Variants in ALG6 observed in about 807,000 individuals in gnomAD.
ALG6 encodes dolichyl pyrophosphate Man9GlcNAc2 alpha-1,3-glucosyltransferase.
In ALG6, 46 loss-of-function variants were observed where a neutral mutation model predicts 66.6. The observed-to-expected ratio is 0.69, with a 90% CI of 0.55 to 0.88. The LOEUF (loss-of-function observed/expected upper bound fraction) is 0.88, where lower values mean the gene tolerates loss of function less well. Ranked by LOEUF, ALG6 falls within the 40% of genes least tolerant of loss-of-function variation. The probability of loss-of-function intolerance (pLI) is 0.00; values close to 1 mark genes in which losing one functional copy is unlikely to be tolerated. For synonymous variants in ALG6, 185 were observed against 203.7 expected (o/e 0.91, Z 0.78); for missense variants, 505 against 586.8 (o/e 0.86, Z 1.44).
At chr1:63,424,128 C>G (rs571177099) in intron 12 of ALG6, among the ~76,000 whole-genome samples, 1 of 152,168 alleles carries the variant, frequency 6.6e-6, no homozygotes, top group South Asian at 2.1e-4. Context: ...CAGAGACAAG[C>G]CTATTTAAAT....
In ALG6 at chr1:63,369,659, A is replaced by G. The variant is rs185735743; in HGVS notation, c.-207-1112A>G. Among the ~76,000 whole-genome samples, 319 of 152,168 alleles carry G rather than the reference A, an allele frequency of 2.1e-3. 1 individual carries two copies. The highest frequency in any genetic ancestry group is 3.2e-3 in the Admixed American group (49 of 15,284). On this transcript the variant is annotated intron_variant, in intron 1 of 14. Transcript: ENST00000263440. ...AAAAAGAAAAAAAAACAAATAAAATAAAATAATTTTAGATCATTAGGTGGA... is the reference window on the plus strand; with the variant it reads ...AAAAAGAAAAAAAAACAAATAAAATGAAATAATTTTAGATCATTAGGTGGA...
At chr1:63,427,226 GA>G (rs1359836502) in intron 12 of ALG6, among the ~76,000 whole-genome samples, 1 of 150,258 alleles carries the variant, frequency 6.7e-6, no homozygotes, top group Non-Finnish European at 1.5e-5. Context: ...TGTTGGCCAG[GA>G]TGGTCTTGAA....
intron 2 of ALG6, among the ~76,000 whole-genome samples, chr1:63,393,927 TAGAG>T (rs146285307): frequency 0.01 from 1,538 of 152,278 alleles, 27 homozygotes; most frequent in African/African-American, 0.034. Context: ...TTCTGAGAGA[TAGAG>T]AGACAGAGAC....
intron 7 of ALG6, among the ~76,000 whole-genome samples, chr1:63,410,182 T>G (rs764356608): frequency 3.9e-5 from 6 of 152,206 alleles, no homozygotes; most frequent in Non-Finnish European, 7.3e-5. Flanking sequence ...TTATCACTTC[T>G]GTCTTCCAGA....
Position 63,370,674 on chromosome 1 carries a change from T to C in ALG6, c.-207-97T>C, listed in dbSNP as rs114299980. The C allele has an allele frequency of 4.8e-3, 1,667 of 348,170 alleles. 32 individuals carry two copies. Among genetic ancestry groups the C allele is most frequent in the African/African-American group, 0.032 (1,497 of 46,878 alleles). 21.6% of individuals were successfully genotyped at this position (348,170 alleles called of 1,614,324 possible). ...CCTTCACATTCCTTCCCACTACCCC[T>C]CCCCTCGAATTCTCTATCCTTCTAC... On this transcript the variant is annotated intron_variant, in intron 1 of 14. Transcript: ENST00000263440.
chr1:63,404,448 T>C lies in ALG6; in HGVS notation c.258-5T>C. On this transcript the variant is annotated splice_polypyrimidine_tract_variant and splice_region_variant and intron_variant, in intron 4 of 14. Transcript: ENST00000263440. ...AAGTATCTGTATATATGCTTTGATT[T>C]GCAGGGCAAAGTTTATAAATCCAGA... 6.2e-7 allele frequency: 1 copy of C among 1,612,560 alleles called. No individual in the cohort carries two copies. Among genetic ancestry groups the C allele is most frequent in the South Asian group, 1.1e-5 (1 of 91,062 alleles).
intron 14 of ALG6, among the ~76,000 whole-genome samples, chr1:63,434,513 C>G (rs1455870138): frequency 6.6e-6 from 1 of 152,188 alleles, no homozygotes; most frequent in Non-Finnish European, 1.5e-5. Context: ...ATATATGAGT[C>G]CAGAGTTTAG....
rs181521809 is a variant in ALG6, at chr1:63,377,816, C to G, written c.82+6757C>G. On this transcript the variant is annotated intron_variant, in intron 2 of 14. Transcript: ENST00000263440. ...TGGCATGACCATAGTTCATTGCAGC[C>G]TTGACTTCCTGGGCTCAGAGGATCC... 3.9e-3 allele frequency among the ~76,000 whole-genome samples: 593 copies of G among 152,316 alleles called. 13 individuals are homozygous for G. Among genetic ancestry groups the G allele is most frequent in the Admixed American group, 0.036 (545 of 15,290 alleles).
chr1:63,370,932 T>C lies in ALG6; in HGVS notation c.-46T>C. Reference sequence around the variant, plus strand: ...GATTGACCACGTTTTAAAAGTACTCTGGCACTGGTGCTGTGTTTTCTTCCC... The same window carrying C: ...GATTGACCACGTTTTAAAAGTACTCCGGCACTGGTGCTGTGTTTTCTTCCC... On this transcript the variant is annotated 5_prime_UTR_variant, in exon 2 of 15. Transcript: ENST00000263440. 8.8e-7 allele frequency: 1 copy of C among 1,135,980 alleles called. No individual in the cohort carries two copies. The highest frequency in any genetic ancestry group is 1.2e-5 in the South Asian group (1 of 81,534). The allele number at this position is 1,135,980 out of a possible 1,614,324, so 70.4% of individuals were successfully genotyped here.
At chr1:63,384,804 T>G (rs756012321) in intron 2 of ALG6, among the ~76,000 whole-genome samples, 5 of 152,214 alleles carry the variant, frequency 3.3e-5, no homozygotes, top group Non-Finnish European at 5.9e-5. Context: ...TGTATTTGTT[T>G]CTGGGTTCTC....
chr1:63,407,850 GAT>G (rs961504839), intron 7 of ALG6, among the ~76,000 whole-genome samples: 8 of 151,990 alleles, frequency 5.3e-5, no homozygotes, highest in African/African-American at 1.9e-4. Context: ...ACAAATAAAA[GAT>G]ATTCAAGTCT....
At chr1:63,383,571 G>T (rs1483004551) in intron 2 of ALG6, among the ~76,000 whole-genome samples, 1 of 151,994 alleles carries the variant, frequency 6.6e-6, no homozygotes, top group Non-Finnish European at 1.5e-5. Flanking sequence ...ACATACCACT[G>T]CACCTGGCTA....
intron 2 of ALG6, among the ~76,000 whole-genome samples, chr1:63,377,343 T>C (rs941173726): frequency 6.6e-6 from 1 of 152,248 alleles, no homozygotes; most frequent in Non-Finnish European, 1.5e-5. Flanking sequence ...AAAATTAATA[T>C]AGCCATAATA....
chr1:63,402,460 A>ATTTTT (rs760751565), intron 4 of ALG6, 117 bp downstream of exon 4: 303 of 262,680 alleles, frequency 1.2e-3, no homozygotes, highest in African/African-American at 1.5e-3. Context: ...CTGCTATTGT[A>ATTTTT]TTTTTTTTTT....
chr1:63,394,048 A>T (rs1648747587), intron 2 of ALG6, among the ~76,000 whole-genome samples: 1 of 152,238 alleles, frequency 6.6e-6, no homozygotes, highest in Non-Finnish European at 1.5e-5. Context: ...TCATAGTGGG[A>T]ATATCTTCTT....
chr1:63,407,074 T>G lies in ALG6; in HGVS notation c.442T>G (p.Leu148Val). The change falls in exon 7 of 15, where the codon TTA becomes GTA. Residue 148 changes from leucine (L) to valine (V), a missense_variant. Physicochemically the swap from Leu to Val is conservative, Grantham distance 32. Transcript: ENST00000263440. ...TTTGTCTTTACAGATTGCTAATGCA[T>G]TATGCATCTTGCTGTATCCAGGCCT... ...ISTKKKIANA[L>V]CILLYPGLIL... 6.2e-7 allele frequency: 1 copy of G among 1,607,914 alleles called. No homozygotes were observed. Among genetic ancestry groups the G allele is most frequent in the Non-Finnish European group, 8.5e-7 (1 of 1,174,842 alleles).
chr1:63,419,583 C>G, intron 12 of ALG6, 143 bp downstream of exon 12: 1 of 681,944 alleles, frequency 1.5e-6, no homozygotes, highest in Non-Finnish European at 2.2e-6. Context: ...AGGTTTTTTT[C>G]CAGAATTTTT....
rs1298565727 is a variant in ALG6, at chr1:63,404,482, C to T, written c.287C>T (p.Ala96Val). ...VAKFINPDWIALHTSRGYESQ... is the reference protein window; with the variant it reads ...VAKFINPDWIVLHTSRGYESQ... ...AAGTTTATAAATCCAGACTGGATTG[C>T]TCTCCATACATCACGTGGATATGAG... is the stretch of plus-strand genomic sequence containing the variant. The change falls in exon 5 of 15, where the codon GCT (alanine) becomes GTT (valine). Residue 96 changes from alanine to valine, a missense_variant. Coordinates refer to ENST00000263440, the MANE Select transcript of ALG6 (RefSeq NM_013339.4). 6.2e-7 allele frequency: 1 copy of T among 1,613,678 alleles called. No homozygotes were observed. Among genetic ancestry groups the T allele is most frequent in the Non-Finnish European group, 8.5e-7 (1 of 1,179,700 alleles).
intron 14 of ALG6, among the ~76,000 whole-genome samples, chr1:63,434,868 C>T (rs553145914): frequency 3.3e-5 from 5 of 152,178 alleles, no homozygotes; most frequent in South Asian, 4.1e-4. Flanking sequence ...AGAATGCAGA[C>T]GTAGGGGACA....
Sources: gnomAD v4.1 joint callset for allele counts (sites outside exome capture counted in the v4.1 genomes callset) on GRCh38, gnomAD v4.1.1 for gene constraint, MANE v1.5 for transcripts, NCBI Gene and HGNC (gene_info 2026-07-23, HGNC 2026-07-21) for gene names.